WWOX: variants seen among roughly 807,000 people sequenced by gnomAD.
The protein encoded by WWOX is WW domain containing oxidoreductase, also known as WW domain-containing oxidoreductase.
WWOX carries 69 observed loss-of-function variants against 46.2 expected under a neutral mutation model. That is an observed-to-expected ratio of 1.49 (90% CI 1.23 to 1.82). The LOEUF (loss-of-function observed/expected upper bound fraction) is 1.82, where lower values mean the gene tolerates loss of function less well. Among genes scored for constraint, WWOX ranks in the 40% most tolerant of loss-of-function variants. The pLI is 0.00. For missense variants in WWOX, 919 were observed against 542.6 expected, an observed-to-expected ratio of 1.69 and a Z score of -6.89; for synonymous variants, 359 against 202.6, an observed-to-expected ratio of 1.77 and a Z score of -6.56.
intron 5 of WWOX, among the ~76,000 whole-genome samples, chr16:78,312,078 T>A (rs1290396171): frequency 6.6e-6 from 1 of 152,148 alleles, no homozygotes; most frequent in Admixed American, 6.5e-5. Flanking sequence ...AATGGCCATG[T>A]CTCTGGTTCT....
chr16:78,789,477 C>T (rs1033845023), intron 8 of WWOX, among the ~76,000 whole-genome samples: 4 of 152,146 alleles, frequency 2.6e-5, no homozygotes, highest in Non-Finnish European at 5.9e-5. Context: ...GTATTTCTTT[C>T]TGGACTCTGA....
intron 8 of WWOX, among the ~76,000 whole-genome samples, chr16:78,861,646 A>G (rs190998897): frequency 6.6e-6 from 1 of 152,234 alleles, no homozygotes; most frequent in Admixed American, 6.5e-5. Flanking sequence ...ATTTAATATC[A>G]TGAAGTGAAG....
chr16:78,655,231 T>A (rs1266094548), intron 8 of WWOX, among the ~76,000 whole-genome samples: 1 of 152,202 alleles, frequency 6.6e-6, no homozygotes, highest in African/African-American at 2.4e-5. Flanking sequence ...TCTCCGTCTC[T>A]GCCTCATCTG....
chr16:78,857,697 G>C (rs1106694), intron 8 of WWOX, among the ~76,000 whole-genome samples: 46,508 of 152,054 alleles, frequency 0.31, 7,284 homozygotes, highest in Middle Eastern at 0.46. Context: ...TTGATCACTA[G>C]AGGCCTTTTC....
At chr16:78,578,614 T>C (rs1438720141) in intron 8 of WWOX, among the ~76,000 whole-genome samples, 4 of 151,916 alleles carry the variant, frequency 2.6e-5, no homozygotes, top group Non-Finnish European at 5.9e-5. Context: ...CACACAAACA[T>C]ACACACACGC....
intron 8 of WWOX, among the ~76,000 whole-genome samples, chr16:79,142,949 C>T (rs951572249): frequency 3.3e-5 from 5 of 152,148 alleles, no homozygotes; most frequent in Admixed American, 3.3e-4. Context: ...AGCCACCAGC[C>T]TGCCTCAGCC....
At chr16:78,741,722 C>T (rs573288355) in intron 8 of WWOX, among the ~76,000 whole-genome samples, 15 of 150,996 alleles carry the variant, frequency 9.9e-5, no homozygotes, top group South Asian at 4.2e-4. Context: ...GGGCATGGGG[C>T]GGGTGCTCTG....
intron 8 of WWOX, among the ~76,000 whole-genome samples, chr16:79,194,097 A>T (rs896371290): frequency 2.0e-5 from 3 of 152,110 alleles, no homozygotes; most frequent in Non-Finnish European, 2.9e-5. Flanking sequence ...GTGTATGTGT[A>T]CAAAGAAAGT....
intron 7 of WWOX, among the ~76,000 whole-genome samples, chr16:78,430,772 C>T (rs1597074277): frequency 6.6e-6 from 1 of 152,232 alleles, no homozygotes; most frequent in African/African-American, 2.4e-5. Context: ...GACTTTAGAG[C>T]AGCTATGTCA....
intron 8 of WWOX, among the ~76,000 whole-genome samples, chr16:78,439,522 G>A (rs2083401810): frequency 6.6e-6 from 1 of 152,178 alleles, no homozygotes; most frequent in South Asian, 2.1e-4. Context: ...TACAGTGCTT[G>A]CTTAGTCCAG....
chr16:78,144,448 C>CATATATATATATATAT (rs1447794716), intron 4 of WWOX, among the ~76,000 whole-genome samples: 1 of 17,580 alleles, frequency 5.7e-5, no homozygotes, highest in Non-Finnish European at 1.2e-4. Context: ...TATATATATA[C>CATATATATATATATAT]ACATATATAT....
At chr16:78,571,965 A>T (rs1356021321) in intron 8 of WWOX, among the ~76,000 whole-genome samples, 3 of 152,238 alleles carry the variant, frequency 2.0e-5, no homozygotes, top group Admixed American at 2.0e-4. Context: ...CACTGGAAGG[A>T]TGTGGAGAAA....
rs77886879 is a variant in WWOX at position 78,809,628 on chromosome 16, T to C, written c.1056+376876T>C. ...CAGTTTTTCAGAAACTCCAGAAATT[T>C]AACCTAGTACACAGGGGCCCCCCAC... is the stretch of plus-strand genomic sequence containing the variant. On this transcript the variant is annotated intron_variant, in intron 8 of 8. Coordinates refer to ENST00000566780, the MANE Select transcript of WWOX (RefSeq NM_016373.4). 2.0e-5 allele frequency among the ~76,000 whole-genome samples: 3 copies of C among 152,284 alleles called. No homozygotes were observed. The East Asian group carries it at 5.8e-4, about 29-fold the overall frequency.
At chr16:78,607,165 A>T (rs894922375) in intron 8 of WWOX, among the ~76,000 whole-genome samples, 54 of 152,184 alleles carry the variant, frequency 3.5e-4, no homozygotes, top group African/African-American at 1.2e-3. Context: ...AAAACAGAAA[A>T]CACAATAAAT....
intron 8 of WWOX, among the ~76,000 whole-genome samples, chr16:78,691,504 C>T (rs1288293158): frequency 6.6e-6 from 1 of 151,890 alleles, no homozygotes; most frequent in Admixed American, 6.6e-5. Context: ...CCTAGGAGTT[C>T]GAGACCAGTC....
intron 8 of WWOX, among the ~76,000 whole-genome samples, chr16:78,933,269 T>C (rs1037362677): frequency 5.9e-5 from 9 of 152,170 alleles, no homozygotes; most frequent in Non-Finnish European, 1.0e-4. Flanking sequence ...CAAAACCCAG[T>C]GTCTACTAAA....
chr16:78,858,710 T>C (rs1364180360), intron 8 of WWOX, among the ~76,000 whole-genome samples: 3 of 152,084 alleles, frequency 2.0e-5, no homozygotes, highest in Non-Finnish European at 4.4e-5. Flanking sequence ...GATAGTGTCT[T>C]ACTTCATCAC....
intron 8 of WWOX, among the ~76,000 whole-genome samples, chr16:79,163,086 G>T (rs910115775): frequency 2.6e-5 from 4 of 152,188 alleles, no homozygotes; most frequent in African/African-American, 9.7e-5. Flanking sequence ...TGTCAAACCA[G>T]TGTTTGTTGA....
chr16:78,674,506 A>T (rs1017344451), intron 8 of WWOX, among the ~76,000 whole-genome samples: 1 of 152,050 alleles, frequency 6.6e-6, no homozygotes, highest in Non-Finnish European at 1.5e-5. Context: ...GCTGGTCTCA[A>T]ACTCCTGACG....
Sources: allele counts gnomAD v4.1 joint callset (sites outside exome capture counted in the v4.1 genomes callset), GRCh38; gene constraint gnomAD v4.1.1; transcripts MANE v1.5; gene names NCBI Gene and HGNC (gene_info 2026-07-23, HGNC 2026-07-21).